MBOAT1: variants seen among roughly 807,000 people sequenced by gnomAD.
MBOAT1 encodes membrane-bound glycerophospholipid O-acyltransferase 1.
In MBOAT1, 67 loss-of-function variants were observed where a neutral mutation model predicts 64.4. That is an observed-to-expected ratio of 1.04 (90% confidence interval 0.85 to 1.27). The LOEUF (loss-of-function observed/expected upper bound fraction) is 1.27, where lower values mean the gene tolerates loss of function less well. Among genes scored for constraint, MBOAT1 ranks in the 50% most tolerant of loss-of-function variants. The pLI, the probability that MBOAT1 is intolerant of heterozygous loss-of-function variation, is 0.00. For missense variants in MBOAT1, 563 were observed against 604.6 expected (o/e 0.93, Z 0.72); for synonymous variants, 229 against 218.9 (o/e 1.05, Z -0.41).
At chr6:20,105,744 T>C (rs1369263478) in intron 12 of MBOAT1, among the ~76,000 whole-genome samples, 2 of 152,172 alleles carry the variant, frequency 1.3e-5, no homozygotes, top group Admixed American at 1.3e-4. Context: ...ATCGCGCCAC[T>C]GCACTCCAGC....
At chr6:20,176,796 G>T (rs1157544634) in intron 1 of MBOAT1, among the ~76,000 whole-genome samples, 1 of 151,904 alleles carries the variant, frequency 6.6e-6, no homozygotes, top group Non-Finnish European at 1.5e-5. Context: ...GCTAGTTTTT[G>T]TATTTTTAGT....
intron 12 of MBOAT1, 121 bp downstream of exon 12, chr6:20,109,477 C>T: frequency 2.4e-6 from 3 of 1,242,854 alleles, no homozygotes; most frequent in Non-Finnish European, 3.4e-6. Context: ...GGACACTTCC[C>T]ACACTGAAGC....
chr6:20,142,098 A>G (rs543673550), intron 4 of MBOAT1, among the ~76,000 whole-genome samples: 1 of 152,266 alleles, frequency 6.6e-6, no homozygotes, highest in Admixed American at 6.5e-5. Context: ...GAAGATATAT[A>G]CAGGCAATAG....
chr6:20,103,376 G>A (rs1338076066), intron 12 of MBOAT1, among the ~76,000 whole-genome samples: 3 of 152,186 alleles, frequency 2.0e-5, no homozygotes, highest in Non-Finnish European at 4.4e-5. Flanking sequence ...AAAGAAAAAT[G>A]TTTGTATACC....
At chr6:20,113,063 T>C in intron 10 of MBOAT1, 55 bp from the exon 11 acceptor site, 1 of 1,581,444 alleles carries the variant, frequency 6.3e-7, no homozygotes. Context: ...AACTTCTAAG[T>C]ACAGCTGCTG....
chr6:20,183,917 G>A (rs1302259626), intron 1 of MBOAT1, among the ~76,000 whole-genome samples: 2 of 152,206 alleles, frequency 1.3e-5, no homozygotes, highest in Admixed American at 6.5e-5. Context: ...AGAGAAAAAT[G>A]AGGAAGAAGT....
At chr6:20,210,915 A>C (rs994288206) in intron 1 of MBOAT1, among the ~76,000 whole-genome samples, 2 of 150,756 alleles carry the variant, frequency 1.3e-5, no homozygotes, top group Non-Finnish European at 2.9e-5. Flanking sequence ...GAACTAAAGA[A>C]TTTGCTATTA....
intron 1 of MBOAT1, among the ~76,000 whole-genome samples, chr6:20,188,006 C>G (rs844539): frequency 0.41 from 62,272 of 152,044 alleles, 14,308 homozygotes; most frequent in Admixed American, 0.57. Flanking sequence ...GAGAGAAGAA[C>G]TGTAAGAGAG....
chr6:20,167,740 G>A (rs192057353), intron 1 of MBOAT1, among the ~76,000 whole-genome samples: 91 of 152,172 alleles, frequency 6.0e-4, no homozygotes, highest in African/African-American at 2.1e-3. Context: ...CAAATTATTT[G>A]GCCTGTCTCC....
intron 3 of MBOAT1, among the ~76,000 whole-genome samples, chr6:20,148,978 G>A (rs1349184657): frequency 6.6e-6 from 1 of 151,834 alleles, no homozygotes; most frequent in Non-Finnish European, 1.5e-5. Flanking sequence ...GCACGCGCCT[G>A]TAGTCCCAGC....
chr6:20,167,220 A>G (rs1042437300), intron 1 of MBOAT1, among the ~76,000 whole-genome samples: 1 of 152,220 alleles, frequency 6.6e-6, no homozygotes, highest in Admixed American at 6.5e-5. Context: ...TGCTATTACA[A>G]ATAGCACCAT....
At chr6:20,195,078 G>T (rs1268803456) in intron 1 of MBOAT1, among the ~76,000 whole-genome samples, 3 of 151,856 alleles carry the variant, frequency 2.0e-5, no homozygotes, top group Non-Finnish European at 2.9e-5. Context: ...ATGGCCTCCT[G>T]AATAGCTGGG....
intron 3 of MBOAT1, among the ~76,000 whole-genome samples, chr6:20,150,852 G>A (rs1417477353): frequency 1.3e-5 from 2 of 151,942 alleles, no homozygotes; most frequent in East Asian, 3.9e-4. Flanking sequence ...AAAGTGCTGG[G>A]ATTACAGGTG....
At chr6:20,189,644 T>C (rs1258430240) in intron 1 of MBOAT1, among the ~76,000 whole-genome samples, 1 of 152,218 alleles carries the variant, frequency 6.6e-6, no homozygotes, top group African/African-American at 2.4e-5. Flanking sequence ...GAACTTATTC[T>C]TTCTAACTAA....
chr6:20,195,424 TA>T (rs1361564447), intron 1 of MBOAT1, among the ~76,000 whole-genome samples: 17 of 152,198 alleles, frequency 1.1e-4, no homozygotes, highest in Admixed American at 1.1e-3. Context: ...CTCTACCATA[TA>T]AAATGTTCTA....
chr6:20,194,419 T>G (rs9460468), intron 1 of MBOAT1, among the ~76,000 whole-genome samples: 12 of 152,040 alleles, frequency 7.9e-5, no homozygotes, highest in Non-Finnish European at 1.2e-4. Flanking sequence ...TTCTCAGAAT[T>G]TTCTTGTTTT....
chr6:20,194,063 A>G (rs1762886123), intron 1 of MBOAT1, among the ~76,000 whole-genome samples: 3 of 152,244 alleles, frequency 2.0e-5, no homozygotes, highest in Non-Finnish European at 4.4e-5. Flanking sequence ...GACGGCCTCA[A>G]TGTCTATTTC....
At chr6:20,173,517 A>G (rs1762259968) in intron 1 of MBOAT1, among the ~76,000 whole-genome samples, 1 of 152,246 alleles carries the variant, frequency 6.6e-6, no homozygotes, top group South Asian at 2.1e-4. Flanking sequence ...TACCTGAAAG[A>G]GTCAAAATAC....
chr6:20,212,338 G>A lies in MBOAT1; in HGVS notation c.-104C>T. The A allele has an allele frequency of 9.6e-7, 1 of 1,037,590 alleles. No homozygotes were observed. Among genetic ancestry groups the A allele is most frequent in the Non-Finnish European group, 1.4e-6 (1 of 711,278 alleles). 64.3% of individuals were successfully genotyped at this position (1,037,590 alleles called of 1,614,324 possible). On this transcript the variant is annotated 5_prime_UTR_variant, in exon 1 of 13. Coordinates refer to ENST00000324607, the MANE Select transcript of MBOAT1 (RefSeq NM_001080480.3). ...TGGGTGGTTGCCCCGAGAGGCGCAC[G>A]GCCGCCTGGTTCGCGGGGGAGCGAA...
Sources: gnomAD v4.1 joint callset for allele counts (sites outside exome capture counted in the v4.1 genomes callset) on GRCh38, gnomAD v4.1.1 for gene constraint, MANE v1.5 for transcripts, NCBI Gene and HGNC (gene_info 2026-07-23, HGNC 2026-07-21) for gene names.